Variants in DGKG observed in about 807,000 individuals in gnomAD.
DGKG encodes DAG kinase gamma.
In DGKG, 78 loss-of-function variants were observed where a neutral mutation model predicts 105.3. The ratio of observed to expected loss-of-function variants is 0.74; its 90% CI spans 0.62 to 0.89. The LOEUF (loss-of-function observed/expected upper bound fraction) is 0.89. Among genes scored for constraint, DGKG ranks in the 40% least tolerant of loss-of-function variants. The probability of loss-of-function intolerance (pLI) is 0.00; values close to 1 mark genes in which losing one functional copy is unlikely to be tolerated. For synonymous variants in DGKG, 346 were observed against 367.1 expected (o/e 0.94, Z 0.66); for missense variants, 958 against 1,020.1 (o/e 0.94, Z 0.83).
At chr3:186,278,320 TG>T (rs1350972696) in intron 9 of DGKG, among the ~76,000 whole-genome samples, 3 of 152,146 alleles carry the variant, frequency 2.0e-5, no homozygotes, top group Non-Finnish European at 4.4e-5. Flanking sequence ...TAATCTTAAG[TG>T]AGTAAAGTCA....
At chr3:186,328,911 T>G (rs1050157396) in intron 1 of DGKG, among the ~76,000 whole-genome samples, 2 of 152,100 alleles carry the variant, frequency 1.3e-5, no homozygotes, top group African/African-American at 4.8e-5. Flanking sequence ...CAAGAAAAGT[T>G]AGGGGCCTAA....
chr3:186,345,120 T>A (rs1336738125), intron 1 of DGKG, among the ~76,000 whole-genome samples: 1 of 152,226 alleles, frequency 6.6e-6, no homozygotes, highest in East Asian at 1.9e-4. Flanking sequence ...ACTGTGAATT[T>A]GATTCTTCAC....
chr3:186,247,577 C>A lies in DGKG; in HGVS notation c.1761+4182G>T, dbSNP rs576079565. Among the ~76,000 whole-genome samples the A allele has an allele frequency of 2.3e-4, 35 of 152,208 alleles. 1 individual carries two copies. The South Asian group carries it at 6.8e-3, about 30-fold the overall frequency. On this transcript the variant is annotated intron_variant, in intron 19 of 24. Transcript: ENST00000265022. The stretch of plus-strand genomic sequence containing the variant: ...TGGGAAGTCAAATAGGGAGCAAGAC[C>A]TTCTGCAAATGTCAGCCCCAGACTC...
At chr3:186,275,507 A>T (rs1560128579) in intron 10 of DGKG, 40 bp downstream of exon 10, 1 of 1,546,404 alleles carries the variant, frequency 6.5e-7, no homozygotes, top group Non-Finnish European at 8.9e-7. Flanking sequence ...GCAGAGCAAG[A>T]TAGTGCCTGG....
chr3:186,350,784 A>G (rs1726593122), intron 1 of DGKG, among the ~76,000 whole-genome samples: 1 of 152,210 alleles, frequency 6.6e-6, no homozygotes, highest in Non-Finnish European at 1.5e-5. Flanking sequence ...AATATACATA[A>G]TAGCTATCCT....
At chr3:186,314,173 GCACACACA>G (rs3221277) in intron 2 of DGKG, among the ~76,000 whole-genome samples, 9,155 of 139,400 alleles carry the variant, frequency 0.066, 331 homozygotes, top group Admixed American at 0.11. Context: ...ATACATATCT[GCACACACA>G]CACACACACA....
intron 5 of DGKG, among the ~76,000 whole-genome samples, chr3:186,294,947 G>T (rs560103240): frequency 6.6e-6 from 1 of 152,282 alleles, no homozygotes; most frequent in South Asian, 2.1e-4. Flanking sequence ...GGTGCTCTGT[G>T]CATGGAGTTT....
chr3:186,242,356 G>A (rs1432840065), intron 20 of DGKG, 148 bp downstream of exon 20: 2 of 628,308 alleles, frequency 3.2e-6, no homozygotes, highest in East Asian at 2.8e-5. Context: ...TTTTTTCTTG[G>A]AAATGGAAAC....
chr3:186,151,794 GT>G (rs1368287446), intron 24 of DGKG, among the ~76,000 whole-genome samples: 1 of 152,200 alleles, frequency 6.6e-6, no homozygotes, highest in African/African-American at 2.4e-5. Context: ...TGTAAGCCAG[GT>G]TTACATTGAA....
chr3:186,284,180 G>T lies in DGKG; in HGVS notation c.594+480C>A, dbSNP rs894285703. Among the ~76,000 whole-genome samples, 1 of 152,072 alleles carries T rather than the reference G, an allele frequency of 6.6e-6. No homozygotes were observed. The highest frequency in any genetic ancestry group is 6.5e-5 in the Admixed American group (1 of 15,268). On this transcript the variant is annotated intron_variant, in intron 7 of 24. Transcript: ENST00000265022. This position sits in a 1 kb window ranked among gnomAD's most constrained non-coding sequence, Gnocchi z 4.0. ...AGTAGGAGAGGCAGCCAAGGGTGAC[G>T]GCAAAGCACATCAGCAGTGACCAGC...
At chr3:186,237,116 T>A (rs1423380224) in intron 20 of DGKG, among the ~76,000 whole-genome samples, 1 of 152,246 alleles carries the variant, frequency 6.6e-6, no homozygotes, top group East Asian at 1.9e-4. Flanking sequence ...GCTGCCTGTT[T>A]GTGGGACTGA....
chr3:186,214,401 AG>A (rs1185760136), intron 20 of DGKG, among the ~76,000 whole-genome samples: 1 of 152,258 alleles, frequency 6.6e-6, no homozygotes, highest in Non-Finnish European at 1.5e-5. Flanking sequence ...CAAGAATGCC[AG>A]CTACTTACTT....
In DGKG at chr3:186,231,516, A is replaced by G. The variant is rs889491877; in HGVS notation, c.1826+10988T>C. On this transcript the variant is annotated intron_variant, in intron 20 of 24. Coordinates refer to ENST00000265022, the MANE Select transcript of DGKG (RefSeq NM_001346.3). The surrounding 1 kb of genome is among the most constrained non-coding windows in gnomAD (Gnocchi z 4.5). ...TACATGAGATTCTTGAAAGCTCTCA[A>G]TAAATGATGGCTACTATTGTTGGTA... Among the ~76,000 whole-genome samples the G allele has an allele frequency of 2.0e-5, 3 of 152,238 alleles. No homozygotes were observed. Among genetic ancestry groups the G allele is most frequent in the African/African-American group, 4.8e-5 (2 of 41,458 alleles).
intron 3 of DGKG, among the ~76,000 whole-genome samples, chr3:186,298,628 A>G (rs1264580237): frequency 6.6e-6 from 1 of 152,230 alleles, no homozygotes; most frequent in Non-Finnish European, 1.5e-5. Context: ...TCTAATGAGC[A>G]GGGACAAGAT....
intron 20 of DGKG, among the ~76,000 whole-genome samples, chr3:186,239,286 G>C (rs1720562939): frequency 1.3e-5 from 2 of 152,186 alleles, no homozygotes; most frequent in Non-Finnish European, 1.5e-5. Flanking sequence ...CCAAACCTGG[G>C]CAGTAATGGT....
chr3:186,209,407 T>C (rs575918948), intron 21 of DGKG, among the ~76,000 whole-genome samples: 65 of 152,284 alleles, frequency 4.3e-4, no homozygotes, highest in African/African-American at 1.5e-3. Context: ...TGGCCTAGTT[T>C]ACCCTTCTAA....
chr3:186,186,284 TCTAGTGGTGGGATCACATCCCAC>T (rs1717635538), intron 22 of DGKG, among the ~76,000 whole-genome samples: 1 of 152,116 alleles, frequency 6.6e-6, no homozygotes, highest in South Asian at 2.1e-4. Context: ...TTTGTTTTCT[TCTAGTGGTGGGATCACATCCCAC>T]CTTAGCACTA....
intron 2 of DGKG, among the ~76,000 whole-genome samples, chr3:186,315,879 A>C (rs1724795113): frequency 6.6e-6 from 1 of 152,176 alleles, no homozygotes; most frequent in South Asian, 2.1e-4. Context: ...TGCACTGACC[A>C]GTGGAATGTG....
intron 20 of DGKG, among the ~76,000 whole-genome samples, chr3:186,222,963 A>AAAACAAAC (rs1382278959): frequency 7.2e-6 from 1 of 138,184 alleles, no homozygotes; most frequent in South Asian, 2.4e-4. Context: ...CTGTCTCAGG[A>AAAACAAAC]AAACAAACAA....
Sources: allele counts gnomAD v4.1 joint callset (sites outside exome capture counted in the v4.1 genomes callset), GRCh38; gene constraint gnomAD v4.1.1; non-coding constraint Gnocchi (gnomAD v3.1); transcripts MANE v1.5; gene names NCBI Gene and HGNC (gene_info 2026-07-23, HGNC 2026-07-21).